The following MAP2K5 variants were observed in gnomAD, a reference collection of about 807,000 sequenced individuals.
MAP2K5 encodes mitogen-activated protein kinase kinase 5.
In MAP2K5, 49 loss-of-function variants were observed where a neutral mutation model predicts 83.1. That is an observed-to-expected ratio of 0.59 (90% confidence interval 0.47 to 0.75). MAP2K5 has a LOEUF of 0.75. Ranked by LOEUF, MAP2K5 falls within the 30% of genes least tolerant of loss-of-function variation. The pLI, the probability that MAP2K5 is intolerant of heterozygous loss-of-function variation, is 0.00. For synonymous variants in MAP2K5, 202 were observed against 191.8 expected (o/e 1.05, Z -0.44); for missense variants, 457 against 557.5 (o/e 0.82, Z 1.82).
intron 16 of MAP2K5, among the ~76,000 whole-genome samples, chr15:67,710,336 T>A (rs2088660578): frequency 6.6e-6 from 1 of 152,148 alleles, no homozygotes; most frequent in African/African-American, 2.4e-5. Context: ...GAGACCCCTC[T>A]TCATCATGAC....
rs762118913 is a variant in MAP2K5 at position 67,559,056 on chromosome 15, C to T, written c.185-4227C>T. 1.3e-5 allele frequency among the ~76,000 whole-genome samples: 2 copies of T among 152,188 alleles called. No homozygotes were observed. Among genetic ancestry groups the T allele is most frequent in the Non-Finnish European group, 2.9e-5 (2 of 68,038 alleles). On this transcript the variant is annotated intron_variant, in intron 2 of 21. Transcript: ENST00000178640. The surrounding 1 kb of genome is among the most constrained non-coding windows in gnomAD (Gnocchi z 4.7). Reference sequence around the variant, plus strand: ...GGAAAGTACGGCCTCTGGTCCTGCCCACGTCATTAACTCCGTGCCTGAGAA... The same window carrying T: ...GGAAAGTACGGCCTCTGGTCCTGCCTACGTCATTAACTCCGTGCCTGAGAA...
chr15:67,643,088 G>C (rs74023022), intron 9 of MAP2K5, among the ~76,000 whole-genome samples: 2 of 151,898 alleles, frequency 1.3e-5, no homozygotes, highest in Non-Finnish European at 1.5e-5. Context: ...TTGTTTTGGG[G>C]TAAAGCCTGC....
chr15:67,596,351 T>C (rs1405352246), intron 7 of MAP2K5, among the ~76,000 whole-genome samples: 2 of 151,992 alleles, frequency 1.3e-5, no homozygotes, highest in African/African-American at 4.8e-5. Flanking sequence ...GAGGCAGAGG[T>C]TGCGGTGAGC....
rs914830428 is a variant in MAP2K5, at chr15:67,793,592, G to T, written c.1243-13054G>T. On this transcript the variant is annotated intron_variant, in intron 21 of 21. Transcript: ENST00000178640. The surrounding 1 kb of genome is among the most constrained non-coding windows in gnomAD (Gnocchi z 4.6). ...CTAAAATACAAGAAAGCTGGCTTAA[G>T]GAAAAGCTTGAGGCACTACCTAAAA... Among the ~76,000 whole-genome samples the T allele has an allele frequency of 1.3e-5, 2 of 152,172 alleles. No individual in the cohort carries two copies. The highest frequency in any genetic ancestry group is 4.8e-5 in the African/African-American group (2 of 41,436).
intron 16 of MAP2K5, among the ~76,000 whole-genome samples, chr15:67,710,497 GTT>G (rs10609519): frequency 3.4e-3 from 277 of 81,014 alleles, no homozygotes; most frequent in African/African-American, 7.4e-3. Flanking sequence ...ATCTTCTGAA[GTT>G]TTTTTTTTTT....
chr15:67,662,575 G>A (rs1386523118), intron 12 of MAP2K5, among the ~76,000 whole-genome samples: 5 of 152,038 alleles, frequency 3.3e-5, no homozygotes, highest in Admixed American at 2.6e-4. Flanking sequence ...TAGGATCAGT[G>A]GTTATGAATA....
intron 17 of MAP2K5, among the ~76,000 whole-genome samples, chr15:67,734,326 T>C (rs910857244): frequency 2.0e-5 from 3 of 152,208 alleles, no homozygotes; most frequent in Non-Finnish European, 4.4e-5. Context: ...AAGGAGAAAA[T>C]ATTTTGTTTA....
rs1488041720 is a variant in MAP2K5 at position 67,774,870 on chromosome 15, G to A, written c.1242+2118G>A. On this transcript the variant is annotated intron_variant, in intron 21 of 21. Coordinates refer to ENST00000178640, the MANE Select transcript of MAP2K5 (RefSeq NM_145160.3). This position sits in a 1 kb window ranked among gnomAD's most constrained non-coding sequence, Gnocchi z 4.9. The stretch of plus-strand genomic sequence containing the variant: ...GGCCGCTTCAAATGTGAGGCCTGCA[G>A]GATTGTCAAGGTTTCCCTGTAGGCC... Among the ~76,000 whole-genome samples the A allele has an allele frequency of 1.3e-5, 2 of 152,222 alleles. No homozygotes were observed. The highest frequency in any genetic ancestry group is 2.9e-5 in the Non-Finnish European group (2 of 68,034).
chr15:67,686,230 A>G (rs534486321), intron 13 of MAP2K5, among the ~76,000 whole-genome samples: 1 of 152,324 alleles, frequency 6.6e-6, no homozygotes, highest in African/African-American at 2.4e-5. Flanking sequence ...ACAAGACACA[A>G]CTGTACAGTG....
chr15:67,730,459 A>G (rs1272295077), intron 17 of MAP2K5, among the ~76,000 whole-genome samples: 2 of 152,226 alleles, frequency 1.3e-5, no homozygotes, highest in Non-Finnish European at 2.9e-5. Context: ...GGAGTGAATC[A>G]TAGACTCTTA....
intron 11 of MAP2K5, among the ~76,000 whole-genome samples, chr15:67,657,923 C>G (rs544580732): frequency 6.6e-6 from 1 of 152,106 alleles, no homozygotes; most frequent in South Asian, 2.1e-4. Flanking sequence ...ATGAGGCATA[C>G]TTATGAATCA....
At chr15:67,581,003 T>C (rs931668687) in intron 4 of MAP2K5, among the ~76,000 whole-genome samples, 180 bp downstream of exon 4, 1 of 152,210 alleles carries the variant, frequency 6.6e-6, no homozygotes, top group African/African-American at 2.4e-5. Flanking sequence ...AGATAAAATA[T>C]CTAATTTACT....
Position 67,747,665 on chromosome 15 carries a change from C to T in MAP2K5, c.1075-566C>T, listed in dbSNP as rs1156974122. Among the ~76,000 whole-genome samples, 1 of 152,108 alleles carries T rather than the reference C, an allele frequency of 6.6e-6. No homozygotes were observed. The highest frequency in any genetic ancestry group is 1.5e-5 in the Non-Finnish European group (1 of 68,010). Reference sequence around the variant, plus strand: ...TTGATTTTCCCAGAGAGCATTGCTGCCCTGGAAACAGGCAGAAGGAACTTT... The same window carrying T: ...TTGATTTTCCCAGAGAGCATTGCTGTCCTGGAAACAGGCAGAAGGAACTTT... On this transcript the variant is annotated intron_variant, in intron 17 of 21. Transcript: ENST00000178640. This position sits in a 1 kb window ranked among gnomAD's most constrained non-coding sequence, Gnocchi z 4.1.
At position 67,628,689 on chromosome 15, in the gene MAP2K5, A is replaced by G. The variant is rs564768453; in HGVS notation, c.546-2199A>G. ...AATAACCATACTGTGAATGGCCACA[A>G]CGGTGAAGTTAGGAAAGCCCTGTTA... is the stretch of plus-strand genomic sequence containing the variant. On this transcript the variant is annotated intron_variant, in intron 8 of 21. Coordinates refer to ENST00000178640, the MANE Select transcript of MAP2K5 (RefSeq NM_145160.3). 3.1e-5 allele frequency: 27 copies of G among 874,804 alleles called. No individual in the cohort carries two copies. The East Asian group carries it at 6.0e-4, about 20-fold the overall frequency. The allele number at this position is 874,804 out of a possible 1,614,324, so 54.2% of individuals were successfully genotyped here.
intron 16 of MAP2K5, among the ~76,000 whole-genome samples, chr15:67,723,830 A>G (rs1392954455): frequency 2.0e-5 from 3 of 151,610 alleles, no homozygotes; most frequent in Admixed American, 1.3e-4. Context: ...AAAGATTTCT[A>G]TTGGCATAGG....
chr15:67,621,421 T>TG (rs1330722922), intron 8 of MAP2K5, among the ~76,000 whole-genome samples: 2 of 93,628 alleles, frequency 2.1e-5, no homozygotes, highest in Non-Finnish European at 4.5e-5. Flanking sequence ...GAAATACTAA[T>TG]GAACAAAAGT....
intron 16 of MAP2K5, among the ~76,000 whole-genome samples, chr15:67,710,136 A>G (rs1015300123): frequency 3.9e-5 from 6 of 152,288 alleles, no homozygotes; most frequent in Non-Finnish European, 2.9e-5. Context: ...AGCTAGGACT[A>G]CAGGTGCACC....
At chr15:67,546,533 G>GTCTGAA in intron 1 of MAP2K5, 2 of 967,606 alleles carry the variant, frequency 2.1e-6, no homozygotes, top group Non-Finnish European at 2.5e-6. Context: ...CTTGTCTTTT[G>GTCTGAA]TCTGAATCAT....
rs1302262124 is a variant in MAP2K5, at chr15:67,768,948, C to G, written c.1135-654C>G. On this transcript the variant is annotated intron_variant, in intron 19 of 21. Transcript: ENST00000178640. The surrounding 1 kb of genome is among the most constrained non-coding windows in gnomAD (Gnocchi z 4.0). The stretch of plus-strand genomic sequence containing the variant: ...AGTTTTCTGCTTTTTTGACTGACTC[C>G]CACCTCCATCCTAGTTTTGGTTGGT... 6.6e-6 allele frequency among the ~76,000 whole-genome samples: 1 copy of G among 152,066 alleles called. No individual in the cohort carries two copies. The highest frequency in any genetic ancestry group is 2.4e-5 in the African/African-American group (1 of 41,398).
Sources: gnomAD v4.1 joint callset for allele counts (sites outside exome capture counted in the v4.1 genomes callset) on GRCh38, gnomAD v4.1.1 for gene constraint, Gnocchi (gnomAD v3.1) non-coding constraint, MANE v1.5 for transcripts, NCBI Gene and HGNC (gene_info 2026-07-23, HGNC 2026-07-21) for gene names.